RUNDC3B: variants seen among roughly 807,000 people sequenced by gnomAD.
RUNDC3B encodes RUN domain-containing protein 3B.
Under a neutral mutation model 58.4 loss-of-function variants are expected in RUNDC3B, and 33 were observed. The ratio of observed to expected loss-of-function variants is 0.56; its 90% CI spans 0.43 to 0.75. RUNDC3B has a LOEUF of 0.75. RUNDC3B is among the 30% of genes least tolerant of loss of function. RUNDC3B has a pLI of 0.00. For missense variants in RUNDC3B, 501 were observed against 535.7 expected (o/e 0.94, Z 0.64); for synonymous variants, 193 against 195.2 (o/e 0.99, Z 0.10).
intron 1 of RUNDC3B, among the ~76,000 whole-genome samples, chr7:87,646,341 T>C (rs541389853): frequency 5.2e-4 from 79 of 152,272 alleles, no homozygotes; most frequent in African/African-American, 1.9e-3. Flanking sequence ...CTAGTGTTAT[T>C]CCTGGAGAAC....
At chr7:87,644,985 G>A (rs1223219642) in intron 1 of RUNDC3B, among the ~76,000 whole-genome samples, 1 of 151,658 alleles carries the variant, frequency 6.6e-6, no homozygotes, top group East Asian at 1.9e-4. Context: ...AACAGTTTTG[G>A]TAACCATCTC....
intron 7 of RUNDC3B, among the ~76,000 whole-genome samples, chr7:87,772,779 A>T (rs1016564237): frequency 6.6e-6 from 1 of 152,176 alleles, no homozygotes; most frequent in African/African-American, 2.4e-5. Context: ...ACACCACCAT[A>T]AAAGTAAATG....
chr7:87,774,697 C>A (rs1834520228), intron 7 of RUNDC3B, among the ~76,000 whole-genome samples: 1 of 152,008 alleles, frequency 6.6e-6, no homozygotes, highest in Non-Finnish European at 1.5e-5. Context: ...TTTCCAATCC[C>A]CCGCCAAAAA....
intron 6 of RUNDC3B, among the ~76,000 whole-genome samples, chr7:87,769,558 AT>A (rs1252988961): frequency 1.3e-5 from 2 of 151,932 alleles, no homozygotes; most frequent in African/African-American, 4.8e-5. Flanking sequence ...GCTTCTACTT[AT>A]TTTTTAATAT....
At chr7:87,768,883 G>A (rs1834117463) in intron 6 of RUNDC3B, among the ~76,000 whole-genome samples, 2 of 151,420 alleles carry the variant, frequency 1.3e-5, no homozygotes, top group Admixed American at 6.6e-5. Flanking sequence ...TATCTAGTCA[G>A]CCATCTTGGG....
At chr7:87,823,906 G>A (rs996715128) in intron 10 of RUNDC3B, among the ~76,000 whole-genome samples, 18 of 151,250 alleles carry the variant, frequency 1.2e-4, no homozygotes, top group South Asian at 4.2e-4. Flanking sequence ...ATTTGGGTTC[G>A]TTATACCTTG....
chr7:87,760,648 A>G (rs970907420), intron 6 of RUNDC3B, among the ~76,000 whole-genome samples: 4 of 152,098 alleles, frequency 2.6e-5, no homozygotes, highest in Admixed American at 6.6e-5. Context: ...CAACAGAATT[A>G]AATTAAAATT....
intron 8 of RUNDC3B, among the ~76,000 whole-genome samples, chr7:87,788,292 G>T (rs948531029): frequency 6.6e-6 from 1 of 152,168 alleles, no homozygotes; most frequent in Non-Finnish European, 1.5e-5. Context: ...GTGTGGTGCT[G>T]TGTGCCTGTA....
At chr7:87,644,953 T>C (rs1191779064) in intron 1 of RUNDC3B, among the ~76,000 whole-genome samples, 1 of 152,092 alleles carries the variant, frequency 6.6e-6, no homozygotes, top group Non-Finnish European at 1.5e-5. Flanking sequence ...TAATGTAATA[T>C]GGATGTAATT....
intron 2 of RUNDC3B, among the ~76,000 whole-genome samples, chr7:87,675,160 G>A (rs1416131926): frequency 6.6e-6 from 1 of 152,174 alleles, no homozygotes; most frequent in Non-Finnish European, 1.5e-5. Context: ...AAGTCCCTGT[G>A]CTTAGCCTCC....
intron 4 of RUNDC3B, among the ~76,000 whole-genome samples, chr7:87,727,780 C>G (rs1189385602): frequency 6.6e-6 from 1 of 152,080 alleles, no homozygotes; most frequent in African/African-American, 2.4e-5. Flanking sequence ...GAATATGACA[C>G]TGTAATGAGT....
chr7:87,737,811 TTTAC>T (rs1228338221), intron 4 of RUNDC3B, among the ~76,000 whole-genome samples: 4 of 152,056 alleles, frequency 2.6e-5, no homozygotes, highest in Admixed American at 1.3e-4. Context: ...TAGCAACCAT[TTTAC>T]TTATCTTAAA....
chr7:87,822,330 A>G (rs1435617135), intron 10 of RUNDC3B, among the ~76,000 whole-genome samples: 1 of 152,256 alleles, frequency 6.6e-6, no homozygotes, highest in Non-Finnish European at 1.5e-5. Flanking sequence ...AGTCAAAACC[A>G]CAATGAGATA....
rs563141319 is a variant in RUNDC3B at position 87,829,772 on chromosome 7, C to CA, written c.1226-112dup. ...AATTTGTTCTGTAGGTTTCTTTGGG[C>CA]AGTATGGTCATTTTCACAGTATTGA... On this transcript the variant is annotated intron_variant, in intron 10 of 10. Coordinates refer to ENST00000394654, the MANE Select transcript of RUNDC3B (RefSeq NM_001134405.2). 958 of 683,288 alleles carry CA rather than the reference C, an allele frequency of 1.4e-3. 3 individuals are homozygous for CA. The highest frequency in any genetic ancestry group is 2.1e-3 in the Non-Finnish European group (856 of 416,972). The allele number at this position is 683,288 out of a possible 1,614,324, so 42.3% of individuals were successfully genotyped here. A position where few individuals can be genotyped will look rare whatever the true frequency, so the allele number is the denominator to read the frequency against.
intron 3 of RUNDC3B, among the ~76,000 whole-genome samples, chr7:87,705,242 T>C (rs1436450724): frequency 1.3e-5 from 2 of 152,116 alleles, no homozygotes; most frequent in African/African-American, 4.8e-5. Context: ...CTGGCTAACA[T>C]GGCAAAACCC....
intron 2 of RUNDC3B, among the ~76,000 whole-genome samples, chr7:87,680,421 T>C (rs1469401930): frequency 6.6e-6 from 1 of 150,816 alleles, no homozygotes; most frequent in Non-Finnish European, 1.5e-5. Flanking sequence ...AAGCAGCACT[T>C]AGAAGGAAAT....
chr7:87,666,962 G>T (rs1585045077), intron 2 of RUNDC3B, among the ~76,000 whole-genome samples: 1 of 151,956 alleles, frequency 6.6e-6, no homozygotes, highest in East Asian at 1.9e-4. Context: ...GATTGCTTCT[G>T]GTTATTTGGG....
chr7:87,708,941 A>G (rs900631285), intron 3 of RUNDC3B, among the ~76,000 whole-genome samples: 1 of 152,166 alleles, frequency 6.6e-6, no homozygotes, highest in Admixed American at 6.5e-5. Flanking sequence ...TTTTTCATAA[A>G]CCTTCATTTT....
chr7:87,773,045 C>T (rs1047681669), intron 7 of RUNDC3B, among the ~76,000 whole-genome samples: 10 of 151,838 alleles, frequency 6.6e-5, no homozygotes, highest in African/African-American at 1.7e-4. Context: ...ATTCACCAGC[C>T]GGGCCTGGCG....
Sources: gnomAD v4.1 joint callset for allele counts (sites outside exome capture counted in the v4.1 genomes callset) on GRCh38, gnomAD v4.1.1 for gene constraint, MANE v1.5 for transcripts, NCBI Gene and HGNC (gene_info 2026-07-23, HGNC 2026-07-21) for gene names.